TTC21A: variants seen among roughly 807,000 people sequenced by gnomAD.
TTC21A encodes the protein tetratricopeptide repeat domain 21A.
Under a neutral mutation model 156.4 loss-of-function variants are expected in TTC21A, and 128 were observed. The ratio of observed to expected loss-of-function variants is 0.82; its 90% CI spans 0.71 to 0.95. TTC21A has a LOEUF of 0.95. Ranked by LOEUF, TTC21A falls within the 40% of genes least tolerant of loss-of-function variation. The pLI is 0.00. For missense variants in TTC21A, 1,435 were observed against 1,602.3 expected (o/e 0.90, Z 1.78); for synonymous variants, 587 against 617.1 (o/e 0.95, Z 0.72).
chr3:39,111,023 TACCAC>T lies in TTC21A; in HGVS notation c.435+11_435+15del, dbSNP rs957491515. On this transcript the variant is annotated splice_region_variant and intron_variant, in intron 4 of 28. Transcript: ENST00000683103. ...TTTCTAGAGGCTTCAGAGAGGTACT[TACCAC>T]ACCATGGGGACAACAGGCGAAGAAA... 32 of 1,595,256 alleles carry T rather than the reference TACCAC, an allele frequency of 2.0e-5. No individual in the cohort carries two copies. The Admixed American group carries it at 3.8e-4, about 19-fold the overall frequency.
At chr3:39,137,125 T>C (rs574816732) in intron 24 of TTC21A, 65 bp downstream of exon 24, 1 of 1,601,230 alleles carries the variant, frequency 6.2e-7, no homozygotes, top group Admixed American at 1.7e-5. Flanking sequence ...AACCTCTGGG[T>C]TGAAGCCAGG....
chr3:39,126,810 A>G (rs937902062), intron 12 of TTC21A, among the ~76,000 whole-genome samples: 1 of 152,172 alleles, frequency 6.6e-6, no homozygotes, highest in African/African-American at 2.4e-5. Context: ...GGTAATAGTT[A>G]TTGAACTTCT....
Position 39,125,253 on chromosome 3 carries a change from C to T in TTC21A, c.1192-79C>T. The stretch of plus-strand genomic sequence containing the variant: ...TCCAATAGAAAGCATGCAAGGTGGT[C>T]TGGACCTTCACTTTGCCCTTGCCTA... On this transcript the variant is annotated intron_variant, in intron 10 of 28. Transcript: ENST00000683103. 3.2e-6 allele frequency: 5 copies of T among 1,544,808 alleles called. No homozygotes were observed. The South Asian group carries it at 4.5e-5, about 14-fold the overall frequency.
rs141586184 is a variant in TTC21A, at chr3:39,125,145, C to T, written c.1176C>T (p.Ser392=). 181 of 1,613,590 alleles carry T rather than the reference C, an allele frequency of 1.1e-4. No homozygotes were observed. The East Asian group carries it at 3.9e-3, about 34-fold the overall frequency. Residue 392 remains serine, a synonymous_variant, in exon 10 of 29, where the codon TCC becomes TCT. Coordinates refer to ENST00000683103, the MANE Select transcript of TTC21A (RefSeq NM_001366900.1). ...AATTCCTGAAGGAGGTGCAGAAGTC[C>T]CTTGGGAAGTCTGAGGTCAGAGCTC... is the stretch of plus-strand genomic sequence containing the variant. ...RLEFLKEVQK[S]LGKSEVLIFL...
Position 39,124,966 on chromosome 3 carries a change from A to T in TTC21A, c.1094-97A>T, listed in dbSNP as rs2038096234. 3.7e-6 allele frequency: 3 copies of T among 806,718 alleles called. No individual in the cohort carries two copies. The East Asian group carries it at 7.3e-5, about 20-fold the overall frequency. The allele number at this position is 806,718 out of a possible 1,614,324, so 50.0% of individuals were successfully genotyped here. A position where few individuals can be genotyped will look rare whatever the true frequency, so the allele number is the denominator to read the frequency against. ...TGGAAAAGATCCCCTACACTGAGAC[A>T]TCTTCCTTCCACTGTCTTATCCATG... On this transcript the variant is annotated intron_variant, in intron 9 of 28. Transcript: ENST00000683103.
Position 39,128,707 on chromosome 3 carries a change from C to T in TTC21A, c.1681-10C>T. On this transcript the variant is annotated splice_polypyrimidine_tract_variant and intron_variant, in intron 13 of 28. Coordinates refer to ENST00000683103, the MANE Select transcript of TTC21A (RefSeq NM_001366900.1). The stretch of plus-strand genomic sequence containing the variant: ...AACTGGAGCCCCACACTCTGCTGTG[C>T]TCCTCCTAGGTCCGAGATCACCCCC... The T allele has an allele frequency of 1.2e-6, 2 of 1,613,270 alleles. No homozygotes were observed. The highest frequency in any genetic ancestry group is 1.7e-6 in the Non-Finnish European group (2 of 1,179,464).
Position 39,134,500 on chromosome 3 carries a change from C to T in TTC21A, c.2862+172C>T, listed in dbSNP as rs114823753. 4.8e-3 allele frequency: 3,253 copies of T among 683,522 alleles called. 76 individuals are homozygous for T. In the African/African-American group the frequency reaches 0.048, roughly 10 times the overall value. The allele number at this position is 683,522 out of a possible 1,614,324, so 42.3% of individuals were successfully genotyped here. ...TGCTGCACCTACTCTGCCCTTTAGC[C>T]GGAAGCGGTAGGCTGGCTGGCAGTG... On this transcript the variant is annotated intron_variant, in intron 21 of 28. Coordinates refer to ENST00000683103, the MANE Select transcript of TTC21A (RefSeq NM_001366900.1). This position sits in a 1 kb window ranked among gnomAD's most constrained non-coding sequence, Gnocchi z 4.6.
In TTC21A at chr3:39,109,119, T is replaced by A; in HGVS notation, c.62T>A (p.Phe21Tyr). Reference sequence around the variant, plus strand: ...ATTTACTATAGCCAGGAAAAGTACTTCCACCATGTGCAGCAGGCTGCAGCT... The same window carrying A: ...ATTTACTATAGCCAGGAAAAGTACTACCACCATGTGCAGCAGGCTGCAGCT... ...GIIYYSQEKY[F>Y]HHVQQAAAVG... is the part of the protein sequence containing the mutation. Residue 21 changes from phenylalanine (F) to tyrosine (Y), a missense_variant, in exon 2 of 29, where the codon TTC becomes TAC. Physicochemically the swap from Phe to Tyr is conservative, Grantham distance 22. Transcript: ENST00000683103. The A allele has an allele frequency of 6.2e-7, 1 of 1,614,138 alleles. No individual in the cohort carries two copies. Among genetic ancestry groups the A allele is most frequent in the Non-Finnish European group, 8.5e-7 (1 of 1,179,966 alleles).
At chr3:39,110,335 A>C (rs1023824775) in intron 3 of TTC21A, 196 bp downstream of exon 3, 27 of 641,886 alleles carry the variant, frequency 4.2e-5, no homozygotes, top group Non-Finnish European at 7.3e-5. Context: ...CCTGGGCCCA[A>C]CTGAGTGGAA....
intron 4 of TTC21A, among the ~76,000 whole-genome samples, chr3:39,111,664 AC>A (rs760993510): frequency 1.1e-4 from 17 of 152,124 alleles, no homozygotes; most frequent in Non-Finnish European, 1.0e-4. Flanking sequence ...AAAAAATCTT[AC>A]TCTTTATGTA....
At position 39,126,330 on chromosome 3, in the gene TTC21A, A is replaced by G; in HGVS notation, c.1462A>G (p.Lys488Glu). ...CGCCGTGATCTTGAATCCTGTAGTC[A>G]AAGCAGCACCAGCTCTGATCGACCC... ...QVAVILNPVV[K>E]AAPALIDPLY... Residue 488 changes from lysine to glutamate, a missense_variant, in exon 12 of 29, where the codon AAA becomes GAA. Coordinates refer to ENST00000683103, the MANE Select transcript of TTC21A (RefSeq NM_001366900.1). 1 of 1,614,042 alleles carries G rather than the reference A, an allele frequency of 6.2e-7. No individual in the cohort carries two copies. Among genetic ancestry groups the G allele is most frequent in the Non-Finnish European group, 8.5e-7 (1 of 1,180,008 alleles).
intron 8 of TTC21A, among the ~76,000 whole-genome samples, chr3:39,120,349 A>G (rs1207388650): frequency 6.6e-6 from 1 of 152,186 alleles, no homozygotes; most frequent in Non-Finnish European, 1.5e-5. Flanking sequence ...AGCCACACCC[A>G]GCTCTAGCCT....
intron 6 of TTC21A, among the ~76,000 whole-genome samples, chr3:39,117,242 T>C (rs1388448333): frequency 6.6e-6 from 1 of 152,232 alleles, no homozygotes; most frequent in Non-Finnish European, 1.5e-5. Flanking sequence ...AATTCTCACA[T>C]GTATGAGGTT....
rs1169341186 is a variant in TTC21A, at chr3:39,119,961, A to G, written c.841A>G (p.Thr281Ala). 6.2e-7 allele frequency: 1 copy of G among 1,610,246 alleles called. No homozygotes were observed. The highest frequency in any genetic ancestry group is 1.1e-5 in the South Asian group (1 of 91,004). Residue 281 changes from threonine to alanine, a missense_variant, in exon 8 of 29, where the codon ACA becomes GCA. By Grantham distance (58) the Thr-to-Ala change is moderately conservative. Transcript: ENST00000683103. ...HVRNLIKALE[T>A]REPENPSLHL... is the part of the protein sequence containing the mutation. Reference sequence around the variant, plus strand: ...TAGAAATCTGATTAAGGCACTAGAGACAAGGGAACCCGAAAATCCAAGCCT... The same window carrying G: ...TAGAAATCTGATTAAGGCACTAGAGGCAAGGGAACCCGAAAATCCAAGCCT...
chr3:39,109,068 T>C lies in TTC21A; in HGVS notation c.28-17T>C, dbSNP rs146873178. 2.7e-3 allele frequency: 4,348 copies of C among 1,611,710 alleles called. 137 individuals carry two copies. In the Admixed American group the frequency reaches 0.063, roughly 23 times the overall value. ...AGAAGGGACTGGGCTATTGCAGTTATGTCTTCCTTCATACAGGCTGGGATC... is the reference window on the plus strand; with the variant it reads ...AGAAGGGACTGGGCTATTGCAGTTACGTCTTCCTTCATACAGGCTGGGATC... On this transcript the variant is annotated splice_polypyrimidine_tract_variant and intron_variant, in intron 1 of 28. Coordinates refer to ENST00000683103, the MANE Select transcript of TTC21A (RefSeq NM_001366900.1).
intron 12 of TTC21A, 32 bp from the exon 13 acceptor site, chr3:39,128,299 C>T (rs1395158638): frequency 1.9e-6 from 3 of 1,607,706 alleles, no homozygotes; most frequent in Admixed American, 1.7e-5. Context: ...CCTTGGGAAC[C>T]CTGCATGTAG....
At chr3:39,112,651 C>T (rs1377197859) in intron 5 of TTC21A, 71 bp downstream of exon 5, 5 of 1,583,812 alleles carry the variant, frequency 3.2e-6, no homozygotes, top group East Asian at 2.3e-5. Flanking sequence ...CCACCAGGTA[C>T]CCCCAGGCCA....
chr3:39,116,766 A>G (rs2037326984), intron 6 of TTC21A, among the ~76,000 whole-genome samples: 1 of 152,168 alleles, frequency 6.6e-6, no homozygotes, highest in South Asian at 2.1e-4. Context: ...CACCATACTC[A>G]GCCTAATTTC....
chr3:39,123,727 C>G (rs948823467), intron 9 of TTC21A, among the ~76,000 whole-genome samples: 4 of 151,240 alleles, frequency 2.6e-5, no homozygotes, highest in African/African-American at 4.9e-5. Context: ...TATTTGACTA[C>G]ATAAAAGCTT....
Sources: gnomAD v4.1 joint callset for allele counts (sites outside exome capture counted in the v4.1 genomes callset) on GRCh38, gnomAD v4.1.1 for gene constraint, Gnocchi (gnomAD v3.1) non-coding constraint, MANE v1.5 for transcripts, NCBI Gene and HGNC (gene_info 2026-07-23, HGNC 2026-07-21) for gene names.